The following C12orf54 variants were observed in gnomAD, a reference collection of about 807,000 sequenced individuals.
C12orf54 encodes the protein uncharacterized protein C12orf54.
A neutral mutation model predicts 26.4 loss-of-function variants in C12orf54; 24 were observed. That is an observed-to-expected ratio of 0.91 (90% CI 0.66 to 1.28). The LOEUF (loss-of-function observed/expected upper bound fraction) is 1.28, where lower values mean the gene tolerates loss of function less well. C12orf54 is among the 50% of genes most tolerant of loss of function. C12orf54 has a pLI of 0.00. For synonymous variants in C12orf54, 54 were observed against 47.0 expected, an observed-to-expected ratio of 1.15 and a Z score of -0.61; for missense variants, 154 against 150.9, an observed-to-expected ratio of 1.02 and a Z score of -0.11.
chr12:48,476,151 C>T, the C12orf54 span, among the ~76,000 whole-genome samples: 1 of 152,136 alleles, frequency 6.6e-6, no homozygotes, highest in Non-Finnish European at 1.5e-5. Context: ...AACTAAGCTT[C>T]ATAAGTGAAG....
intron 4 of C12orf54, chr12:48,488,518 G>A (rs528016230): frequency 3.2e-5 from 12 of 377,324 alleles, no homozygotes; most frequent in Admixed American, 7.5e-5. Flanking sequence ...AGAAAGTGCC[G>A]GAACTTTTTC....
At position 48,488,780 on chromosome 12, in the gene C12orf54, G is replaced by A. The variant is rs567966329; in HGVS notation, c.136-144G>A. ...AAGTCAATGAGGATTTATTGCTAGC[G>A]CTACAAAGCCACAGTCTCTTGGCAT... is the stretch of plus-strand genomic sequence containing the variant. On this transcript the variant is annotated intron_variant, in intron 4 of 8. Transcript: ENST00000548364. 11 of 698,984 alleles carry A rather than the reference G, an allele frequency of 1.6e-5. No individual in the cohort carries two copies. The African/African-American group carries it at 2.0e-4, about 13-fold the overall frequency. The allele number at this position is 698,984 out of a possible 1,614,324, so 43.3% of individuals were successfully genotyped here.
the C12orf54 span, among the ~76,000 whole-genome samples, chr12:48,417,734 C>CCTCCCT: frequency 3.3e-5 from 5 of 152,064 alleles, no homozygotes; most frequent in Non-Finnish European, 7.4e-5. Context: ...TGTCCCCCTC[C>CCTCCCT]CTCCCTCTCC....
the C12orf54 span, among the ~76,000 whole-genome samples, chr12:48,414,417 T>C: frequency 6.6e-6 from 1 of 152,242 alleles, no homozygotes; most frequent in Non-Finnish European, 1.5e-5. Context: ...TGGTAGTGCA[T>C]TTAAACAATA....
At chr12:48,481,850 A>G (rs1954202923), upstream of C12orf54, among the ~76,000 whole-genome samples, 1 of 152,078 alleles carries the variant, frequency 6.6e-6, no homozygotes, top group South Asian at 2.1e-4. Flanking sequence ...GCTCTCTCTG[A>G]GGCTGCTCCT....
At chr12:48,415,311 A>G in the C12orf54 span, among the ~76,000 whole-genome samples, 1 of 152,226 alleles carries the variant, frequency 6.6e-6, no homozygotes, top group Non-Finnish European at 1.5e-5. Context: ...CTTCACAGGA[A>G]CACTTCTCAA....
chr12:48,429,549 G>A, the C12orf54 span, among the ~76,000 whole-genome samples: 1 of 150,464 alleles, frequency 6.6e-6, no homozygotes, highest in Admixed American at 6.6e-5. Context: ...ATCAAATCAA[G>A]AACACAACCC....
At chr12:48,440,348 A>G in the C12orf54 span, among the ~76,000 whole-genome samples, 1 of 152,220 alleles carries the variant, frequency 6.6e-6, no homozygotes, top group African/African-American at 2.4e-5. Flanking sequence ...CAGCTTGTAA[A>G]TAAATAAAAA....
the C12orf54 span, among the ~76,000 whole-genome samples, chr12:48,439,403 T>TA: frequency 6.3e-4 from 96 of 152,314 alleles, no homozygotes; most frequent in African/African-American, 2.2e-3. Context: ...ACTGGGTATA[T>TA]ACCCAAAGGA....
At chr12:48,454,082 CTCTT>C in the C12orf54 span, among the ~76,000 whole-genome samples, 3 of 140,784 alleles carry the variant, frequency 2.1e-5, no homozygotes, top group African/African-American at 7.8e-5. Flanking sequence ...CTCTCTCTCT[CTCTT>C]TTTTTGTTTG....
the C12orf54 span, among the ~76,000 whole-genome samples, chr12:48,455,505 A>G: frequency 2.0e-5 from 3 of 152,360 alleles, no homozygotes; most frequent in South Asian, 2.1e-4. Flanking sequence ...GAGTTGTTAC[A>G]GATCTCAGAG....
chr12:48,469,075 G>A, the C12orf54 span, among the ~76,000 whole-genome samples: 1 of 152,232 alleles, frequency 6.6e-6, no homozygotes. Context: ...CAAGGTCAGG[G>A]CAAAATTAGA....
At chr12:48,461,766 T>C in the C12orf54 span, among the ~76,000 whole-genome samples, 1 of 151,820 alleles carries the variant, frequency 6.6e-6, no homozygotes, top group East Asian at 1.9e-4. Context: ...GGGAAATGTA[T>C]AGGATTAAAT....
intron 7 of C12orf54, among the ~76,000 whole-genome samples, chr12:48,493,673 T>TAAAGAAAATAAATGAAAGTTAATTTTCAA (rs1937843239): frequency 1.5e-5 from 2 of 135,696 alleles, no homozygotes; most frequent in Non-Finnish European, 3.1e-5. Flanking sequence ...AAGAAAGTTA[T>TAAAGAAAATAAATGAAAGTTAATTTTCAA]AAAGAAAATT....
At chr12:48,469,754 G>A in the C12orf54 span, among the ~76,000 whole-genome samples, 2 of 152,128 alleles carry the variant, frequency 1.3e-5, no homozygotes, top group African/African-American at 2.4e-5. Context: ...TTAATTTGGG[G>A]AACTAACAAA....
the C12orf54 span, among the ~76,000 whole-genome samples, chr12:48,434,847 C>T: frequency 2.0e-5 from 3 of 152,184 alleles, no homozygotes; most frequent in Non-Finnish European, 2.9e-5. Context: ...TTCTAAAAAC[C>T]GAGCACCTCT....
chr12:48,433,359 A>C, the C12orf54 span, among the ~76,000 whole-genome samples: 2 of 151,566 alleles, frequency 1.3e-5, no homozygotes, highest in South Asian at 4.2e-4. Flanking sequence ...TAGCAGTGGG[A>C]TCCCTCTGGT....
At chr12:48,458,544 A>G in the C12orf54 span, among the ~76,000 whole-genome samples, 1 of 152,196 alleles carries the variant, frequency 6.6e-6, no homozygotes, top group African/African-American at 2.4e-5. Context: ...ACTGTTAACT[A>G]CAAAGTAGCT....
chr12:48,456,523 C>T, the C12orf54 span, among the ~76,000 whole-genome samples: 1 of 152,290 alleles, frequency 6.6e-6, no homozygotes, highest in South Asian at 2.1e-4. Flanking sequence ...AGATTAAGAT[C>T]ATGGACTCTG....
Sources: gnomAD v4.1 joint callset for allele counts (sites outside exome capture counted in the v4.1 genomes callset) on GRCh38, gnomAD v4.1.1 for gene constraint, MANE v1.5 for transcripts, NCBI Gene and HGNC (gene_info 2026-07-23, HGNC 2026-07-21) for gene names.